Variants in G2E3 observed in about 807,000 individuals in gnomAD.
G2E3 encodes G2/M-phase specific E3 ubiquitin protein ligase.
G2E3 carries 35 observed loss-of-function variants against 92.8 expected under a neutral mutation model. The observed-to-expected ratio is 0.38, with a 90% CI of 0.29 to 0.50. G2E3 has a LOEUF of 0.50. G2E3 is among the 20% of genes least tolerant of loss of function. The pLI, the probability that G2E3 is intolerant of heterozygous loss-of-function variation, is 0.94. For missense variants in G2E3, 554 were observed against 823.8 expected (o/e 0.67, Z 4.01); for synonymous variants, 242 against 272.4 (o/e 0.89, Z 1.10).
At chr14:30,613,698 GT>G (rs200219517) in intron 13 of G2E3, among the ~76,000 whole-genome samples, 49 of 144,290 alleles carry the variant, frequency 3.4e-4, no homozygotes, top group East Asian at 1.0e-3. Flanking sequence ...AATCTATTTT[GT>G]TTTTTTTTTT....
At chr14:30,598,395 A>G in intron 7 of G2E3, 88 bp from the exon 8 acceptor site, 1 of 933,148 alleles carries the variant, frequency 1.1e-6, no homozygotes, top group Non-Finnish European at 1.7e-6. Flanking sequence ...TCAAGAACAA[A>G]AAAAGGTTTT....
In G2E3 at chr14:30,593,565, G is replaced by T; in HGVS notation, c.454G>T (p.Glu152Ter). ...LPCTICLEFI[E>*]PIPSYNILRS... Reference sequence around the variant, plus strand: ...ATGCACCATTTGCTTGGAATTTATTGAGCCTATTCCAAGTTATAACATATT... The same window carrying T: ...ATGCACCATTTGCTTGGAATTTATTTAGCCTATTCCAAGTTATAACATATT... Residue 152 changes from glutamate (E) to a stop codon, truncating the protein, a stop_gained, in exon 6 of 15, where the codon GAG becomes TAG. Coordinates refer to ENST00000206595, the MANE Select transcript of G2E3 (RefSeq NM_017769.5). LOFTEE classifies it high-confidence loss of function. The T allele has an allele frequency of 1.3e-6, 2 of 1,594,844 alleles. No individual in the cohort carries two copies. Among genetic ancestry groups the T allele is most frequent in the Non-Finnish European group, 8.6e-7 (1 of 1,163,108 alleles).
chr14:30,585,137 A>G (rs530626246), intron 2 of G2E3, among the ~76,000 whole-genome samples: 1 of 152,166 alleles, frequency 6.6e-6, no homozygotes, highest in Non-Finnish European at 1.5e-5. Context: ...CCCAGACAAT[A>G]GTGTCCTTTG....
intron 10 of G2E3, 85 bp downstream of exon 10, chr14:30,602,216 GGTGATCATACAGTA>G: frequency 1.9e-6 from 2 of 1,054,306 alleles, no homozygotes; most frequent in Non-Finnish European, 2.8e-6. Context: ...TAGAATATTA[GGTGATCATACAGTA>G]GTCTAGAAGA....
intron 10 of G2E3, among the ~76,000 whole-genome samples, chr14:30,604,566 A>G (rs895234977): frequency 1.3e-5 from 2 of 151,790 alleles, no homozygotes; most frequent in Admixed American, 1.3e-4. Context: ...TTGCATTTCT[A>G]ACAAGTTCTG....
intron 1 of G2E3, among the ~76,000 whole-genome samples, chr14:30,580,212 G>T (rs1006598400): frequency 9.9e-5 from 15 of 151,686 alleles, no homozygotes; most frequent in Admixed American, 3.9e-4. Context: ...GTTTTTTTTT[G>T]TTGTTGTTTT....
At chr14:30,564,586 A>T (rs1184645139) in intron 1 of G2E3, among the ~76,000 whole-genome samples, 1 of 152,106 alleles carries the variant, frequency 6.6e-6, no homozygotes, top group African/African-American at 2.4e-5. Context: ...CTTCCACCTC[A>T]GCCTCCCAAA....
At chr14:30,578,188 G>A (rs1880225779) in intron 1 of G2E3, among the ~76,000 whole-genome samples, 1 of 152,096 alleles carries the variant, frequency 6.6e-6, no homozygotes, top group South Asian at 2.1e-4. Context: ...TACTCCACAT[G>A]CTAGGGATTA....
At chr14:30,578,859 G>A (rs1404535491) in intron 1 of G2E3, among the ~76,000 whole-genome samples, 3 of 152,088 alleles carry the variant, frequency 2.0e-5, no homozygotes, top group East Asian at 1.9e-4. Flanking sequence ...CTACACACAC[G>A]CTTCTTTCCA....
rs754332107 is a variant in G2E3 at position 30,615,361 on chromosome 14, T to C, written c.1686T>C (p.Gly562=). ...VHTPFESFKQ[G]LKTLGVLEKI... ...TTCTTCTCTTAAGTTTTAAGCAGGG[T>C]CTGAAAACCCTTGGTGTTTTGGAGA... The change falls in exon 14 of 15, where the codon GGT becomes GGC. Residue 562 remains glycine, a synonymous_variant. Transcript: ENST00000206595. 2 of 1,585,688 alleles carry C rather than the reference T, an allele frequency of 1.3e-6. No individual in the cohort carries two copies. Among genetic ancestry groups the C allele is most frequent in the Non-Finnish European group, 1.7e-6 (2 of 1,163,736 alleles).
chr14:30,612,520 T>G (rs1003604484), intron 13 of G2E3, 141 bp downstream of exon 13: 57 of 583,924 alleles, frequency 9.8e-5, no homozygotes, highest in Non-Finnish European at 3.0e-5. Flanking sequence ...AAATAATAAC[T>G]TAAGCCTTTT....
intron 10 of G2E3, chr14:30,603,008 T>A (rs1881647015): frequency 6.6e-6 from 1 of 152,144 alleles, no homozygotes; most frequent in Admixed American, 6.6e-5. Flanking sequence ...GCATACATAC[T>A]ATTATCAAAT....
intron 13 of G2E3, 26 bp downstream of exon 13, chr14:30,612,405 C>G: frequency 7.2e-7 from 1 of 1,398,314 alleles, no homozygotes; most frequent in East Asian, 2.4e-5. Context: ...TAATATATGG[C>G]TCTTTCAAAT....
chr14:30,608,691 A>G (rs953826828), intron 12 of G2E3, among the ~76,000 whole-genome samples: 1 of 152,258 alleles, frequency 6.6e-6, no homozygotes, highest in African/African-American at 2.4e-5. Flanking sequence ...TATAAGTGTC[A>G]TTGCCAACAT....
chr14:30,580,478 T>G (rs1566532517), intron 1 of G2E3, among the ~76,000 whole-genome samples: 1 of 152,210 alleles, frequency 6.6e-6, no homozygotes. Flanking sequence ...AGTGCTGGGA[T>G]TACAGGTGTG....
chr14:30,587,116 T>C (rs1023460510), intron 3 of G2E3, among the ~76,000 whole-genome samples: 13 of 152,206 alleles, frequency 8.5e-5, no homozygotes, highest in Admixed American at 4.6e-4. Context: ...GGTATTTCTT[T>C]TACCACTTTC....
chr14:30,592,424 T>C lies in G2E3; in HGVS notation c.339T>C (p.Ile113=), dbSNP rs1178269528. 9.5e-6 allele frequency: 15 copies of C among 1,586,774 alleles called. No homozygotes were observed. The highest frequency in any genetic ancestry group is 1.3e-5 in the Non-Finnish European group (15 of 1,170,730). ...HFPCGLQREC[I]FQFTGNFASF... ...CATGTGGACTTCAGAGAGAATGTAT[T>C]TTCCAGTTTACTGGCAATTTTGCGT... Residue 113 remains isoleucine, a synonymous_variant, in exon 5 of 15, where the codon ATT becomes ATC. Transcript: ENST00000206595.
chr14:30,607,358 G>A (rs1183654955), intron 11 of G2E3, among the ~76,000 whole-genome samples: 1 of 152,162 alleles, frequency 6.6e-6, no homozygotes, highest in African/African-American at 2.4e-5. Context: ...CCTAGTTGGT[G>A]TAGCCTACTA....
rs1460501262 is a variant in G2E3, at chr14:30,597,596, A to G, written c.635+70A>G. On this transcript the variant is annotated intron_variant, in intron 7 of 14. Transcript: ENST00000206595. Reference sequence around the variant, plus strand: ...GTAGGATTTAATAGCAATGGAAATGATCACTTATGTCTGATTCAGTGAGCA... The same window carrying G: ...GTAGGATTTAATAGCAATGGAAATGGTCACTTATGTCTGATTCAGTGAGCA... 6 of 862,296 alleles carry G rather than the reference A, an allele frequency of 7.0e-6. No homozygotes were observed. In the East Asian group the frequency reaches 1.5e-4, roughly 21 times the overall value. 53.4% of individuals were successfully genotyped at this position (862,296 alleles called of 1,614,324 possible). A position where few individuals can be genotyped will look rare whatever the true frequency, so the allele number is the denominator to read the frequency against.
Sources: gnomAD v4.1 joint callset for allele counts (sites outside exome capture counted in the v4.1 genomes callset) on GRCh38, gnomAD v4.1.1 for gene constraint, MANE v1.5 for transcripts, NCBI Gene and HGNC (gene_info 2026-07-23, HGNC 2026-07-21) for gene names.